The following KIAA1217 variants were observed in gnomAD, a reference collection of about 807,000 sequenced individuals.
The protein encoded by KIAA1217 is sickle tail protein homolog.
Under a neutral mutation model 163.9 loss-of-function variants are expected in KIAA1217, and 88 were observed. That is an observed-to-expected ratio of 0.54 (90% CI 0.45 to 0.64). The LOEUF is 0.64. Among genes scored for constraint, KIAA1217 ranks in the 30% least tolerant of loss-of-function variants. The pLI, the probability that KIAA1217 is intolerant of heterozygous loss-of-function variation, is 0.00. For missense variants in KIAA1217, 2,372 were observed against 2,475.0 expected (o/e 0.96, Z 0.88); for synonymous variants, 903 against 923.1 (o/e 0.98, Z 0.39).
At chr10:23,917,733 T>C (rs1228992099) in intron 1 of KIAA1217, among the ~76,000 whole-genome samples, 2 of 152,102 alleles carry the variant, frequency 1.3e-5, no homozygotes, top group Non-Finnish European at 2.9e-5. Flanking sequence ...CGCTGACAAA[T>C]GGTGTCTGTT....
intron 2 of KIAA1217, among the ~76,000 whole-genome samples, chr10:24,360,783 G>A (rs1457860183): frequency 3.9e-5 from 6 of 152,168 alleles, no homozygotes; most frequent in African/African-American, 1.4e-4. Context: ...GAATGAAGAG[G>A]CCACGCATGT....
chr10:24,321,488 GCGCCA>G (rs2044152005), intron 2 of KIAA1217, among the ~76,000 whole-genome samples: 1 of 150,744 alleles, frequency 6.6e-6, no homozygotes, highest in Admixed American at 6.6e-5. Context: ...AGCCAAGATC[GCGCCA>G]CTGCACTCCA....
chr10:24,161,409 G>T (rs986327575), intron 2 of KIAA1217, among the ~76,000 whole-genome samples: 2 of 152,154 alleles, frequency 1.3e-5, no homozygotes, highest in Non-Finnish European at 1.5e-5. Flanking sequence ...CATTAGTCTT[G>T]CCTTTTAGAT....
intron 2 of KIAA1217, among the ~76,000 whole-genome samples, chr10:24,352,495 A>G (rs1466003804): frequency 6.6e-6 from 1 of 152,088 alleles, no homozygotes; most frequent in Non-Finnish European, 1.5e-5. Context: ...TCTATTAAAA[A>G]GTATAATCTT....
At chr10:23,907,268 G>A (rs1381605045) in intron 1 of KIAA1217, among the ~76,000 whole-genome samples, 1 of 150,842 alleles carries the variant, frequency 6.6e-6, no homozygotes, top group Non-Finnish European at 1.5e-5. Flanking sequence ...TCAGGGTTCT[G>A]CAGAGAAAGA....
intron 2 of KIAA1217, among the ~76,000 whole-genome samples, chr10:24,088,285 A>ATG (rs1564686238): frequency 2.7e-5 from 3 of 111,742 alleles, no homozygotes; most frequent in East Asian, 2.0e-4. Flanking sequence ...ACACACATAT[A>ATG]TGTGTATATA....
intron 4 of KIAA1217, 55 bp from the exon 5 acceptor site, chr10:24,438,331 T>C: frequency 1.6e-6 from 2 of 1,265,096 alleles, no homozygotes; most frequent in Non-Finnish European, 2.3e-6. Context: ...GCTAAGGAAA[T>C]GGCCAAAGTC....
chr10:24,033,652 C>A (rs781597910), intron 2 of KIAA1217, among the ~76,000 whole-genome samples: 3 of 152,166 alleles, frequency 2.0e-5, no homozygotes, highest in African/African-American at 7.2e-5. Flanking sequence ...CATCTAGACA[C>A]AAAGGGAGGC....
chr10:24,141,868 T>TG (rs1451114294), intron 2 of KIAA1217, among the ~76,000 whole-genome samples: 1 of 13,852 alleles, frequency 7.2e-5, no homozygotes, highest in Non-Finnish European at 1.8e-4. Flanking sequence ...ATTTCTATTG[T>TG]TTTTTTTTAG....
chr10:24,340,489 A>C (rs1210852780), intron 2 of KIAA1217, among the ~76,000 whole-genome samples: 1 of 151,972 alleles, frequency 6.6e-6, no homozygotes, highest in Non-Finnish European at 1.5e-5. Context: ...AGTCCATTAA[A>C]CCTTTTTTTC....
intron 2 of KIAA1217, among the ~76,000 whole-genome samples, chr10:24,362,207 C>T (rs946665767): frequency 9.9e-5 from 15 of 152,034 alleles, no homozygotes; most frequent in Non-Finnish European, 1.6e-4. Context: ...TCCCAGCAAC[C>T]TATTATGATC....
intron 2 of KIAA1217, among the ~76,000 whole-genome samples, chr10:24,306,648 C>T (rs968446879): frequency 3.9e-5 from 6 of 152,198 alleles, no homozygotes; most frequent in Non-Finnish European, 7.3e-5. Context: ...ATACACATCA[C>T]GTATGTGCAT....
intron 1 of KIAA1217, among the ~76,000 whole-genome samples, chr10:23,710,258 T>C (rs977349411): frequency 9.9e-5 from 15 of 152,268 alleles, no homozygotes; most frequent in African/African-American, 3.4e-4. Flanking sequence ...TACCATCACA[T>C]AGTTTAAAAT....
chr10:23,866,161 T>C (rs951785871), intron 1 of KIAA1217, among the ~76,000 whole-genome samples: 1 of 152,134 alleles, frequency 6.6e-6, no homozygotes, highest in African/African-American at 2.4e-5. Context: ...CACAACCCTA[T>C]AGGATTCTGC....
chr10:24,427,635 C>G (rs2059279895), intron 3 of KIAA1217, among the ~76,000 whole-genome samples: 1 of 152,158 alleles, frequency 6.6e-6, no homozygotes, highest in Non-Finnish European at 1.5e-5. Context: ...TGACATATGG[C>G]AGGCATCCTA....
chr10:24,150,043 G>A (rs938178130), intron 2 of KIAA1217, among the ~76,000 whole-genome samples: 2 of 152,054 alleles, frequency 1.3e-5, no homozygotes, highest in African/African-American at 4.8e-5. Flanking sequence ...TTGAGATGGA[G>A]TTAAACTTTT....
intron 3 of KIAA1217, among the ~76,000 whole-genome samples, chr10:24,417,607 G>A (rs899150251): frequency 5.3e-5 from 8 of 152,084 alleles, no homozygotes; most frequent in East Asian, 1.9e-4. Flanking sequence ...GGGAACCCCC[G>A]TGGACGGCTG....
chr10:24,232,935 C>CAAAAAAA lies in KIAA1217; in HGVS notation c.354+13047_354+13053dup, dbSNP rs908492411. Among the ~76,000 whole-genome samples, 269 of 55,974 alleles carry CAAAAAAA rather than the reference C, an allele frequency of 4.8e-3. 5 individuals are homozygous for CAAAAAAA. Among genetic ancestry groups the CAAAAAAA allele is most frequent in the East Asian group, 0.03 (46 of 1,554 alleles). The allele number at this position is 55,974 out of a possible 152,430, so 36.7% of individuals were successfully genotyped here. On this transcript the variant is annotated intron_variant, in intron 2 of 20. Coordinates refer to ENST00000376454, the MANE Select transcript of KIAA1217 (RefSeq NM_019590.5). Reference sequence around the variant, plus strand: ...GCAACATGGTAAAACCTTATCTCTACAAAAAAAAAAAAAAAAAAAAAAAAA... The same window carrying CAAAAAAA: ...GCAACATGGTAAAACCTTATCTCTACAAAAAAAAAAAAAAAAAAAAAAAAAAAAAAAA...
At chr10:23,896,426 TATGAAGTCATC>T (rs1343879786) in intron 1 of KIAA1217, among the ~76,000 whole-genome samples, 4 of 152,094 alleles carry the variant, frequency 2.6e-5, no homozygotes, top group Non-Finnish European at 5.9e-5. Context: ...TGTTCACCCC[TATGAAGTCATC>T]ACCTGATTAT....
Sources: gnomAD v4.1 joint callset for allele counts (sites outside exome capture counted in the v4.1 genomes callset) on GRCh38, gnomAD v4.1.1 for gene constraint, MANE v1.5 for transcripts, NCBI Gene and HGNC (gene_info 2026-07-23, HGNC 2026-07-21) for gene names.